Variants in SORCS1 observed in about 807,000 individuals in gnomAD.
SORCS1 encodes VPS10 domain-containing receptor SorCS1.
In SORCS1, 60 loss-of-function variants were observed where a neutral mutation model predicts 146.1. That is an observed-to-expected ratio of 0.41 (90% CI 0.33 to 0.51). SORCS1 has a LOEUF of 0.51. Among genes scored for constraint, SORCS1 ranks in the 20% least tolerant of loss-of-function variants. The probability of loss-of-function intolerance (pLI) is 0.21; values close to 1 mark genes in which losing one functional copy is unlikely to be tolerated. For missense variants in SORCS1, 1,352 were observed against 1,487.6 expected, an observed-to-expected ratio of 0.91 and a Z score of 1.50; for synonymous variants, 637 against 584.0, an observed-to-expected ratio of 1.09 and a Z score of -1.31.
intron 1 of SORCS1, among the ~76,000 whole-genome samples, chr10:107,003,787 A>T (rs1377388373): frequency 6.6e-6 from 1 of 152,068 alleles, no homozygotes; most frequent in African/African-American, 2.4e-5. Context: ...TTGTTACATA[A>T]TTAACATGGC....
chr10:107,010,028 T>C (rs970494473), intron 1 of SORCS1, among the ~76,000 whole-genome samples: 1 of 152,244 alleles, frequency 6.6e-6, no homozygotes, highest in African/African-American at 2.4e-5. Flanking sequence ...TGTGGAACTA[T>C]GTATGGAAGC....
chr10:106,996,885 T>A (rs1053716491), intron 1 of SORCS1, among the ~76,000 whole-genome samples: 1 of 148,058 alleles, frequency 6.8e-6, no homozygotes. Flanking sequence ...ATATCCATGT[T>A]TTTTTTTCTA....
At chr10:106,748,327 G>A (rs942028922) in intron 5 of SORCS1, among the ~76,000 whole-genome samples, 3 of 151,996 alleles carry the variant, frequency 2.0e-5, no homozygotes, top group Non-Finnish European at 2.9e-5. Flanking sequence ...CTGTTACGGC[G>A]ATGTGTGGTC....
At chr10:106,980,708 A>G (rs993036700) in intron 1 of SORCS1, among the ~76,000 whole-genome samples, 2 of 152,202 alleles carry the variant, frequency 1.3e-5, no homozygotes, top group African/African-American at 2.4e-5. Flanking sequence ...TCTTTTCCGC[A>G]GCCTACAAGA....
intron 1 of SORCS1, among the ~76,000 whole-genome samples, chr10:107,154,643 T>C (rs1332723065): frequency 1.3e-5 from 2 of 152,130 alleles, no homozygotes; most frequent in Admixed American, 1.3e-4. Context: ...AGTGCCCCAA[T>C]CTTCAATTTA....
chr10:107,023,050 G>C (rs1958217880), intron 1 of SORCS1, among the ~76,000 whole-genome samples: 1 of 152,196 alleles, frequency 6.6e-6, no homozygotes, highest in Non-Finnish European at 1.5e-5. Context: ...CAAGTTCACG[G>C]TGCAGTATGT....
chr10:106,843,494 C>T (rs1031902141), intron 2 of SORCS1, among the ~76,000 whole-genome samples: 4 of 142,142 alleles, frequency 2.8e-5, no homozygotes, highest in African/African-American at 8.0e-5. Context: ...TGCAGTGGCG[C>T]GATCTCGGCT....
upstream of SORCS1, among the ~76,000 whole-genome samples, chr10:107,166,648 GTT>G (rs1970058944): frequency 6.6e-6 from 1 of 152,222 alleles, no homozygotes; most frequent in Non-Finnish European, 1.5e-5. Flanking sequence ...CAGAGCGGTA[GTT>G]TTTTCTTTCC....
At chr10:106,796,618 A>G (rs923859576) in intron 3 of SORCS1, among the ~76,000 whole-genome samples, 2 of 152,166 alleles carry the variant, frequency 1.3e-5, no homozygotes, top group Non-Finnish European at 2.9e-5. Context: ...TTTTCCTGGG[A>G]AAGAGTGAGA....
At chr10:106,939,085 G>A (rs1028933053) in intron 2 of SORCS1, among the ~76,000 whole-genome samples, 15 of 152,106 alleles carry the variant, frequency 9.9e-5, no homozygotes, top group African/African-American at 3.4e-4. Context: ...ATTGGGAGAA[G>A]GGCAATACCA....
At chr10:106,826,051 T>C (rs904703088) in intron 3 of SORCS1, among the ~76,000 whole-genome samples, 2 of 152,234 alleles carry the variant, frequency 1.3e-5, no homozygotes, top group Non-Finnish European at 2.9e-5. Flanking sequence ...ATTTAAACTG[T>C]AAATAAGATC....
chr10:106,996,884 T>G (rs193191094), intron 1 of SORCS1, among the ~76,000 whole-genome samples: 3 of 146,934 alleles, frequency 2.0e-5, no homozygotes, highest in South Asian at 2.1e-4. Flanking sequence ...AATATCCATG[T>G]TTTTTTTTCT....
intron 18 of SORCS1, 41 bp downstream of exon 18, chr10:106,652,341 C>A: frequency 6.7e-7 from 1 of 1,486,632 alleles, no homozygotes; most frequent in South Asian, 1.4e-5. Flanking sequence ...AGAAAAATCA[C>A]TGGCCCTAGA....
chr10:106,583,525 T>C, intron 24 of SORCS1, among the ~76,000 whole-genome samples: 1 of 152,208 alleles, frequency 6.6e-6, no homozygotes, highest in African/African-American at 2.4e-5. Flanking sequence ...GTTTTGTTTT[T>C]AGATGAAGTC....
At chr10:107,117,782 T>G (rs1175793883) in intron 1 of SORCS1, among the ~76,000 whole-genome samples, 1 of 152,202 alleles carries the variant, frequency 6.6e-6, no homozygotes. Flanking sequence ...AATTGTATTT[T>G]GGAAGCACAT....
intron 2 of SORCS1, among the ~76,000 whole-genome samples, chr10:106,872,829 AG>A (rs1323865568): frequency 6.6e-6 from 1 of 152,200 alleles, no homozygotes; most frequent in African/African-American, 2.4e-5. Flanking sequence ...ACAAACATAA[AG>A]AAAAAAGAAA....
intron 3 of SORCS1, among the ~76,000 whole-genome samples, chr10:106,783,415 T>C (rs963717677): frequency 1.3e-5 from 2 of 152,212 alleles, no homozygotes; most frequent in Non-Finnish European, 2.9e-5. Context: ...AAAGCACTGT[T>C]AAGTTTTGTG....
At chr10:106,810,472 G>A (rs970660594) in intron 3 of SORCS1, among the ~76,000 whole-genome samples, 2 of 152,168 alleles carry the variant, frequency 1.3e-5, no homozygotes, top group African/African-American at 2.4e-5. Flanking sequence ...TGGGATGCCT[G>A]TGTTTCATAC....
At chr10:106,687,157 T>C (rs899327018) in intron 10 of SORCS1, among the ~76,000 whole-genome samples, 1 of 152,160 alleles carries the variant, frequency 6.6e-6, no homozygotes, top group African/African-American at 2.4e-5. Context: ...TACTTATCTG[T>C]GTGTCAAAAT....
Sources: gnomAD v4.1 joint callset for allele counts (sites outside exome capture counted in the v4.1 genomes callset) on GRCh38, gnomAD v4.1.1 for gene constraint, MANE v1.5 for transcripts, NCBI Gene and HGNC (gene_info 2026-07-23, HGNC 2026-07-21) for gene names.